The following TOGARAM2 variants were observed in gnomAD, a reference collection of about 807,000 sequenced individuals.
TOGARAM2 encodes the protein TOG array regulator of axonemal microtubules protein 2.
Under a neutral mutation model 93.3 loss-of-function variants are expected in TOGARAM2, and 85 were observed. The ratio of observed to expected loss-of-function variants is 0.91; its 90% CI spans 0.76 to 1.09. The LOEUF (loss-of-function observed/expected upper bound fraction) is 1.09. Among genes scored for constraint, TOGARAM2 ranks in the 50% least tolerant of loss-of-function variants. TOGARAM2 has a pLI of 0.00. For synonymous variants in TOGARAM2, 593 were observed against 552.8 expected (o/e 1.07, Z -1.02); for missense variants, 1,277 against 1,334.5 (o/e 0.96, Z 0.67).
At chr2:28,993,646 C>G (rs1308960584) in intron 1 of TOGARAM2, among the ~76,000 whole-genome samples, 1 of 152,344 alleles carries the variant, frequency 6.6e-6, no homozygotes, top group South Asian at 2.1e-4. Context: ...GAACTCATGT[C>G]TTGAGGTTCT....
At chr2:28,967,323 A>T (rs1249220145) in intron 1 of TOGARAM2, among the ~76,000 whole-genome samples, 1 of 152,130 alleles carries the variant, frequency 6.6e-6, no homozygotes, top group Non-Finnish European at 1.5e-5. Context: ...AATAATAAAA[A>T]AAATAGCCAT....
intron 1 of TOGARAM2, among the ~76,000 whole-genome samples, chr2:28,959,259 T>C (rs1197118186): frequency 1.3e-5 from 2 of 152,174 alleles, no homozygotes; most frequent in Non-Finnish European, 2.9e-5. Flanking sequence ...TTCCCCCTCA[T>C]GTCCTTAAAT....
chr2:29,008,150 T>G (rs1029487161), intron 6 of TOGARAM2, among the ~76,000 whole-genome samples: 1 of 152,210 alleles, frequency 6.6e-6, no homozygotes, highest in African/African-American at 2.4e-5. Context: ...TTTTTTATTT[T>G]TTATTGTTAT....
At chr2:28,977,414 G>A (rs1292079861), upstream of TOGARAM2, among the ~76,000 whole-genome samples, 1 of 152,112 alleles carries the variant, frequency 6.6e-6, no homozygotes, top group African/African-American at 2.4e-5. Flanking sequence ...GCTAGGCCTG[G>A]GATGGTCCTG....
At chr2:28,977,619 G>A (rs1490744358), upstream of TOGARAM2, among the ~76,000 whole-genome samples, 3 of 152,168 alleles carry the variant, frequency 2.0e-5, no homozygotes, top group Non-Finnish European at 4.4e-5. Flanking sequence ...AGTCAGGTTG[G>A]TGTCGCTCTC....
At chr2:28,977,485 T>C (rs933321392), upstream of TOGARAM2, among the ~76,000 whole-genome samples, 2 of 152,134 alleles carry the variant, frequency 1.3e-5, no homozygotes, top group Non-Finnish European at 2.9e-5. Context: ...TTCCCTGCCA[T>C]ACAATGTATG....
chr2:29,003,840 T>A (rs1440790380), intron 6 of TOGARAM2, among the ~76,000 whole-genome samples, 158 bp downstream of exon 6: 1 of 152,188 alleles, frequency 6.6e-6, no homozygotes, highest in African/African-American at 2.4e-5. Context: ...GCCACAGACC[T>A]AGGGAGGTCC....
intron 1 of TOGARAM2, among the ~76,000 whole-genome samples, chr2:28,962,090 A>G (rs956974962): frequency 1.3e-5 from 2 of 152,154 alleles, no homozygotes; most frequent in African/African-American, 4.8e-5. Context: ...TAAGGAAGAG[A>G]AAGATTTATA....
intron 6 of TOGARAM2, among the ~76,000 whole-genome samples, chr2:29,005,657 G>C (rs1663689585): frequency 2.4e-5 from 1 of 41,432 alleles, no homozygotes; most frequent in African/African-American, 5.0e-5. Context: ...TGTGTGTGAG[G>C]GCATGCATGT....
intron 1 of TOGARAM2, among the ~76,000 whole-genome samples, chr2:28,987,491 A>G (rs1248242657): frequency 6.6e-6 from 1 of 152,112 alleles, no homozygotes; most frequent in Non-Finnish European, 1.5e-5. Flanking sequence ...GGGTTTCACC[A>G]TGTTAGCCAG....
Position 29,009,144 on chromosome 2 carries a change from C to T in TOGARAM2, c.831-2311C>T, listed in dbSNP as rs149060237. Among the ~76,000 whole-genome samples the T allele has an allele frequency of 3.0e-4, 46 of 152,254 alleles. No individual in the cohort carries two copies. The East Asian group carries it at 8.7e-3, about 29-fold the overall frequency. On this transcript the variant is annotated intron_variant, in intron 6 of 19. Coordinates refer to ENST00000379558, the MANE Select transcript of TOGARAM2 (RefSeq NM_199280.4). ...CGAAGGCTGCCTGTCATGTTGGTGA[C>T]CCAGGAGAAAGAGATCTGAATCATG...
chr2:29,033,665 C>A (rs1665914610), intron 16 of TOGARAM2, 102 bp downstream of exon 16: 4 of 1,051,092 alleles, frequency 3.8e-6, no homozygotes, highest in Admixed American at 4.7e-5. Context: ...ACATATGGAT[C>A]TGGGGTATCG....
chr2:29,019,756 A>G (rs1321393884), intron 10 of TOGARAM2, among the ~76,000 whole-genome samples: 1 of 152,132 alleles, frequency 6.6e-6, no homozygotes, highest in Non-Finnish European at 1.5e-5. Flanking sequence ...CTGTATTTGA[A>G]TCCTCCTCTT....
chr2:29,051,589 A>G, intron 19 of TOGARAM2, 167 bp from the exon 20 acceptor site: 1 of 538,742 alleles, frequency 1.9e-6, no homozygotes, highest in Non-Finnish European at 3.2e-6. Context: ...TACTAATGTT[A>G]AAAGAAGCTA....
intron 5 of TOGARAM2, among the ~76,000 whole-genome samples, chr2:29,003,245 G>A (rs763840432): frequency 3.3e-5 from 5 of 152,190 alleles, no homozygotes; most frequent in Non-Finnish European, 7.3e-5. Flanking sequence ...GTGTTTGAAG[G>A]TCCTTCCAGC....
chr2:28,987,328 C>T (rs2148249151), intron 1 of TOGARAM2, among the ~76,000 whole-genome samples: 1 of 152,192 alleles, frequency 6.6e-6, no homozygotes, highest in East Asian at 1.9e-4. Flanking sequence ...CTTGCTTTGT[C>T]ACCTAGGCTG....
At chr2:28,958,752 T>C (rs1306482574) in intron 1 of TOGARAM2, among the ~76,000 whole-genome samples, 1 of 152,214 alleles carries the variant, frequency 6.6e-6, no homozygotes, top group Non-Finnish European at 1.5e-5. Context: ...TCCAGGTTAC[T>C]TTCTCTGGTT....
At chr2:28,960,777 A>G (rs1344962363) in intron 1 of TOGARAM2, among the ~76,000 whole-genome samples, 1 of 152,238 alleles carries the variant, frequency 6.6e-6, no homozygotes, top group South Asian at 2.1e-4. Flanking sequence ...AATGGAAGTC[A>G]TTCACCGCAG....
intron 11 of TOGARAM2, among the ~76,000 whole-genome samples, chr2:29,022,831 G>T (rs910968312): frequency 1.3e-5 from 2 of 152,226 alleles, no homozygotes; most frequent in Non-Finnish European, 2.9e-5. Context: ...AGGTCCTGGA[G>T]GGGGGTGGGC....
Sources: gnomAD v4.1 joint callset for allele counts (sites outside exome capture counted in the v4.1 genomes callset) on GRCh38, gnomAD v4.1.1 for gene constraint, MANE v1.5 for transcripts, NCBI Gene and HGNC (gene_info 2026-07-23, HGNC 2026-07-21) for gene names.